ASTN2: variants seen among roughly 807,000 people sequenced by gnomAD.
ASTN2 encodes the protein astrotactin 2.
Under a neutral mutation model 139.8 loss-of-function variants are expected in ASTN2, and 54 were observed. That is an observed-to-expected ratio of 0.39 (90% confidence interval 0.31 to 0.48). ASTN2 has a LOEUF of 0.48. ASTN2 is among the 20% of genes least tolerant of loss of function. The pLI is 0.95. For synonymous variants in ASTN2, 756 were observed against 719.5 expected (o/e 1.05, Z -0.81); for missense variants, 1,565 against 1,725.1 (o/e 0.91, Z 1.64).
intron 1 of ASTN2, among the ~76,000 whole-genome samples, chr9:117,316,360 G>A (rs148633588): frequency 3.3e-5 from 5 of 152,072 alleles, no homozygotes; most frequent in South Asian, 2.1e-4. Flanking sequence ...TGGGGTGAGC[G>A]GTGGGAGAGG....
At chr9:117,285,886 A>T (rs1253204055) in intron 2 of ASTN2, among the ~76,000 whole-genome samples, 2 of 152,144 alleles carry the variant, frequency 1.3e-5, no homozygotes, top group Non-Finnish European at 2.9e-5. Flanking sequence ...ATGCCCTCAA[A>T]ATTCTTTTCT....
chr9:117,386,304 A>G (rs2130936786), intron 1 of ASTN2, among the ~76,000 whole-genome samples: 1 of 152,316 alleles, frequency 6.6e-6, no homozygotes, highest in South Asian at 2.1e-4. Context: ...AGAGAACTGG[A>G]AATGCACCGC....
At chr9:116,605,329 C>T (rs1276759935) in intron 19 of ASTN2, among the ~76,000 whole-genome samples, 2 of 152,188 alleles carry the variant, frequency 1.3e-5, no homozygotes, top group East Asian at 3.9e-4. Flanking sequence ...CCTGCTGCCT[C>T]TGTGAGTGCC....
chr9:116,602,046 T>C (rs1854928213), intron 19 of ASTN2, among the ~76,000 whole-genome samples: 1 of 152,190 alleles, frequency 6.6e-6, no homozygotes, highest in African/African-American at 2.4e-5. Flanking sequence ...GAAGGTATAG[T>C]ACTGAAGAAA....
chr9:117,347,643 A>C (rs1829262816), intron 1 of ASTN2, among the ~76,000 whole-genome samples: 1 of 152,200 alleles, frequency 6.6e-6, no homozygotes, highest in Admixed American at 6.5e-5. Flanking sequence ...TAGAAATATA[A>C]ATATAAAGCA....
At chr9:117,402,651 A>T (rs1830866829) in intron 1 of ASTN2, among the ~76,000 whole-genome samples, 1 of 152,204 alleles carries the variant, frequency 6.6e-6, no homozygotes, top group South Asian at 2.1e-4. Flanking sequence ...TTTTTAGTAT[A>T]AGTATGTCCA....
At chr9:116,756,350 A>G (rs997737347) in intron 13 of ASTN2, among the ~76,000 whole-genome samples, 1 of 151,990 alleles carries the variant, frequency 6.6e-6, no homozygotes, top group African/African-American at 2.4e-5. Context: ...TCAATTTCCT[A>G]ATCAGTAAAT....
intron 13 of ASTN2, among the ~76,000 whole-genome samples, chr9:116,763,313 T>C (rs768062721): frequency 7.9e-5 from 12 of 152,220 alleles, no homozygotes; most frequent in Non-Finnish European, 1.6e-4. Context: ...CCAGCATTTA[T>C]GAGCATCAGT....
intron 19 of ASTN2, among the ~76,000 whole-genome samples, chr9:116,489,853 G>A (rs558158880): frequency 5.9e-5 from 9 of 152,220 alleles, no homozygotes; most frequent in Non-Finnish European, 1.0e-4. Flanking sequence ...TAGACTTGAC[G>A]CGTAGATGCT....
At chr9:117,289,915 G>A (rs1045707171) in intron 2 of ASTN2, among the ~76,000 whole-genome samples, 1 of 152,192 alleles carries the variant, frequency 6.6e-6, no homozygotes, top group East Asian at 1.9e-4. Context: ...GCTGGGGAGT[G>A]TATGTGTTTT....
At chr9:117,134,295 T>TAC (rs3041140) in intron 4 of ASTN2, among the ~76,000 whole-genome samples, 4 of 75,812 alleles carry the variant, frequency 5.3e-5, no homozygotes, top group African/African-American at 2.1e-4. Context: ...TATATATATA[T>TAC]ACACACACAC....
At chr9:117,286,132 C>T (rs571027256) in intron 2 of ASTN2, among the ~76,000 whole-genome samples, 1 of 151,938 alleles carries the variant, frequency 6.6e-6, no homozygotes, top group African/African-American at 2.4e-5. Context: ...TATGACCAAC[C>T]CTCTGAACCA....
At chr9:116,726,060 A>G in intron 15 of ASTN2, 110 bp from the exon 16 acceptor site, 1 of 1,020,102 alleles carries the variant, frequency 9.8e-7, no homozygotes. Context: ...CTTACCCCTC[A>G]GCACAGTGGC....
chr9:116,843,114 G>A (rs114320964), intron 11 of ASTN2, among the ~76,000 whole-genome samples: 3,927 of 152,136 alleles, frequency 0.026, 192 homozygotes, highest in African/African-American at 0.09. Context: ...AAAATAAATC[G>A]TTCTACCAAA....
Position 117,291,337 on chromosome 9 carries a change from T to C in ASTN2, c.619A>G (p.Ile207Val), listed in dbSNP as rs1453530271. ...IVEEQMHILHISVMGGLIALL... is the reference protein window; with the variant it reads ...IVEEQMHILHVSVMGGLIALL... Reference sequence around the variant, plus strand: ...CCCCCATCACTCACCATCACAGAAATGTGGAGGATGTGCATCTGCTCCTCA... The same window carrying C: ...CCCCCATCACTCACCATCACAGAAACGTGGAGGATGTGCATCTGCTCCTCA... Residue 207 changes from isoleucine (I) to valine (V), a missense_variant, in exon 2 of 23, where the codon ATT (isoleucine) becomes GTT (valine). Coordinates refer to ENST00000313400, the MANE Select transcript of ASTN2 (RefSeq NM_001365068.1). 3 of 1,606,192 alleles carry C rather than the reference T, an allele frequency of 1.9e-6. No homozygotes were observed. Among genetic ancestry groups the C allele is most frequent in the Non-Finnish European group, 2.6e-6 (3 of 1,175,920 alleles).
chr9:116,832,718 T>A (rs1273803910), intron 11 of ASTN2, among the ~76,000 whole-genome samples: 1 of 152,092 alleles, frequency 6.6e-6, no homozygotes, highest in African/African-American at 2.4e-5. Flanking sequence ...CTTAGTTATG[T>A]GTATAGTTAT....
chr9:116,923,452 G>A (rs938530408), intron 10 of ASTN2, among the ~76,000 whole-genome samples: 4 of 152,200 alleles, frequency 2.6e-5, no homozygotes, highest in Non-Finnish European at 5.9e-5. Context: ...TGTCTTTACA[G>A]TTGTCCTGGA....
At chr9:117,357,058 C>A (rs753605468) in intron 1 of ASTN2, among the ~76,000 whole-genome samples, 1 of 152,042 alleles carries the variant, frequency 6.6e-6, no homozygotes, top group Non-Finnish European at 1.5e-5. Context: ...AGCAATACTC[C>A]ATCTCAAAAT....
At chr9:117,147,204 T>G (rs921118495) in intron 3 of ASTN2, among the ~76,000 whole-genome samples, 1 of 152,140 alleles carries the variant, frequency 6.6e-6, no homozygotes, top group African/African-American at 2.4e-5. Flanking sequence ...TCAAAAACTG[T>G]ACACTTAAAC....
Sources: allele counts gnomAD v4.1 joint callset (sites outside exome capture counted in the v4.1 genomes callset), GRCh38; gene constraint gnomAD v4.1.1; transcripts MANE v1.5; gene names NCBI Gene and HGNC (gene_info 2026-07-23, HGNC 2026-07-21).